LONRF2: variants seen among roughly 807,000 people sequenced by gnomAD.
LONRF2 encodes LON peptidase N-terminal domain and ring finger 2.
In LONRF2, 35 loss-of-function variants were observed where a neutral mutation model predicts 66.6. The observed-to-expected ratio is 0.53, with a 90% CI of 0.40 to 0.70. The LOEUF is 0.70. LONRF2 is among the 30% of genes least tolerant of loss of function. The pLI is 0.00. For synonymous variants in LONRF2, 417 were observed against 418.1 expected (o/e 1.00, Z 0.03); for missense variants, 902 against 1,002.1 (o/e 0.90, Z 1.35).
In LONRF2 at chr2:100,309,173, C is replaced by T; in HGVS notation, c.732G>A (p.Met244Ile). 6 of 1,609,500 alleles carry T rather than the reference C, an allele frequency of 3.7e-6. No individual in the cohort carries two copies. The highest frequency in any genetic ancestry group is 4.2e-6 in the Non-Finnish European group (5 of 1,178,738). Residue 244 changes from methionine to isoleucine, a missense_variant, in exon 2 of 12, where the codon ATG becomes ATA. By Grantham distance (10) the Met-to-Ile change is conservative. Transcript: ENST00000393437. ...LLLRAELYLTMKNYEQALQDA... is the reference protein window; with the variant it reads ...LLLRAELYLTIKNYEQALQDA... Reference sequence around the variant, plus strand: ...CTTGGAGAGCTTGCTCATAGTTCTTCATGGTCAAATATAACTCCGCCCGCA... The same window carrying T: ...CTTGGAGAGCTTGCTCATAGTTCTTTATGGTCAAATATAACTCCGCCCGCA...
rs147790040 is a variant in LONRF2, at chr2:100,298,144, C to G, written c.1476+692G>C. ...TATATGACTTGCTCCATAGAAAGTTCATGGCACTAATAGGACCACAGCCCA... is the reference window on the plus strand; with the variant it reads ...TATATGACTTGCTCCATAGAAAGTTGATGGCACTAATAGGACCACAGCCCA... On this transcript the variant is annotated intron_variant, in intron 7 of 11. Transcript: ENST00000393437. 1.7e-3 allele frequency among the ~76,000 whole-genome samples: 261 copies of G among 152,316 alleles called. 4 individuals are homozygous for G. The highest frequency in any genetic ancestry group is 3.7e-4 in the Non-Finnish European group (25 of 68,036).
rs7607676 is a variant in LONRF2 at position 100,280,504 on chromosome 2, G to C, written c.*3794C>G. On this transcript the variant is annotated 3_prime_UTR_variant, in exon 12 of 12. Transcript: ENST00000393437. ...AAACATGGGGAGATGGGCCGGGCAC[G>C]GTGGCTCACGCCTGTAATCCCAGCA... 6.6e-6 allele frequency: 1 copy of C among 151,184 alleles called. No individual in the cohort carries two copies. Among genetic ancestry groups the C allele is most frequent in the Admixed American group, 6.6e-5 (1 of 15,236 alleles). The allele number at this position is 151,184 out of a possible 1,614,324, so 9.4% of individuals were successfully genotyped here.
intron 4 of LONRF2, 87 bp from the exon 5 acceptor site, chr2:100,300,005 C>CT: frequency 3.9e-6 from 2 of 512,152 alleles, no homozygotes; most frequent in South Asian, 2.4e-5. Context: ...TACTAGAAAT[C>CT]TTTGGAAAAA....
chr2:100,289,770 C>T (rs1674920716), intron 10 of LONRF2, among the ~76,000 whole-genome samples: 1 of 152,056 alleles, frequency 6.6e-6, no homozygotes, highest in African/African-American at 2.4e-5. Flanking sequence ...TCTGTACCAG[C>T]TCCCAACTCA....
intron 6 of LONRF2, 134 bp from the exon 7 acceptor site, chr2:100,299,084 C>T: frequency 1.2e-6 from 1 of 850,972 alleles, no homozygotes; most frequent in East Asian, 2.7e-5. Context: ...CATTTTATAT[C>T]TTATTAAATC....
At chr2:100,296,811 T>C (rs1304645358) in intron 7 of LONRF2, among the ~76,000 whole-genome samples, 1 of 152,216 alleles carries the variant, frequency 6.6e-6, no homozygotes, top group Non-Finnish European at 1.5e-5. Flanking sequence ...AAACATGCTC[T>C]ACTTGGCATG....
Position 100,283,061 on chromosome 2 carries a change from C to T in LONRF2, c.*1237G>A, listed in dbSNP as rs1674772487. On this transcript the variant is annotated 3_prime_UTR_variant, in exon 12 of 12. Transcript: ENST00000393437. The stretch of plus-strand genomic sequence containing the variant: ...ATGTCCACCTTACAGACGAGGAAGC[C>T]AACCAAATGCACCAGCTGGTTGGGC... The T allele has an allele frequency of 1.3e-5, 2 of 152,104 alleles. No individual in the cohort carries two copies. The highest frequency in any genetic ancestry group is 2.9e-5 in the Non-Finnish European group (2 of 68,022). 9.4% of individuals were successfully genotyped at this position (152,104 alleles called of 1,614,324 possible). A position where few individuals can be genotyped will look rare whatever the true frequency, so the allele number is the denominator to read the frequency against.
In LONRF2 at chr2:100,321,883, C is replaced by A. The variant is rs1477226358; in HGVS notation, c.211G>T (p.Ala71Ser). ...CLRLGDALAR[A>S]GRLPEALGAF... ...CCCAGGGCTTCGGGGAGGCGGCCGG[C>A]GCGGGCCAGCGCGTCCCCCAGCCTC... The change falls in exon 1 of 12, where the codon GCC (alanine) becomes TCC (serine). Residue 71 changes from alanine to serine, a missense_variant. By Grantham distance (99) the Ala-to-Ser change is moderately conservative. This residue lies in a region of LONRF2 where 585 missense variants were observed against 569.9 expected (regional missense o/e 1.03). Coordinates refer to ENST00000393437, the MANE Select transcript of LONRF2 (RefSeq NM_198461.4). The A allele has an allele frequency of 7.3e-6, 9 of 1,225,814 alleles. No homozygotes were observed. Among genetic ancestry groups the A allele is most frequent in the African/African-American group, 3.2e-5 (2 of 63,222 alleles). 75.9% of individuals were successfully genotyped at this position (1,225,814 alleles called of 1,614,324 possible).
chr2:100,301,683 G>A (rs1675188121), intron 3 of LONRF2, among the ~76,000 whole-genome samples: 1 of 152,248 alleles, frequency 6.6e-6, no homozygotes, highest in Admixed American at 6.5e-5. Context: ...AAAACACCAT[G>A]TCTGAAAACG....
rs1171411825 is a variant in LONRF2, at chr2:100,280,143, C to T, written c.*4155G>A. ...TGCTCACCTAAAAGCTGAGTCACTG[C>T]TAAAAGGCTATTTTATAGAATTCAG... On this transcript the variant is annotated 3_prime_UTR_variant, in exon 12 of 12. Coordinates refer to ENST00000393437, the MANE Select transcript of LONRF2 (RefSeq NM_198461.4). The T allele has an allele frequency of 6.6e-6, 1 of 152,130 alleles. No individual in the cohort carries two copies. The highest frequency in any genetic ancestry group is 2.4e-5 in the African/African-American group (1 of 41,424). 9.4% of individuals were successfully genotyped at this position (152,130 alleles called of 1,614,324 possible). A position where few individuals can be genotyped will look rare whatever the true frequency, so the allele number is the denominator to read the frequency against.
rs748984983 is a variant in LONRF2 at position 100,290,335 on chromosome 2, T to C, written c.1843A>G (p.Ser615Gly). The stretch of plus-strand genomic sequence containing the variant: ...CGGTGGCTTAGCACTCGGAACCGAC[T>C]GATGCCAATCGCGTCTACAACAGAA... ...GSSVVDAIGI[S>G]RFRVLSHRHR... Residue 615 changes from serine to glycine, a missense_variant, in exon 10 of 12, where the codon AGT becomes GGT. By Grantham distance (56) the Ser-to-Gly change is moderately conservative. Transcript: ENST00000393437. 2.1e-5 allele frequency: 34 copies of C among 1,614,098 alleles called. No homozygotes were observed. The highest frequency in any genetic ancestry group is 2.8e-5 in the Non-Finnish European group (33 of 1,180,040).
At chr2:100,294,749 A>G (rs1473916416) in intron 8 of LONRF2, among the ~76,000 whole-genome samples, 1 of 152,198 alleles carries the variant, frequency 6.6e-6, no homozygotes, top group African/African-American at 2.4e-5. Context: ...GATCGCTACT[A>G]AAATACAAAA....
chr2:100,273,001 A>G lies in LONRF2; in HGVS notation c.*11297T>C, dbSNP rs1674529483. ...CCTTATTTGGAAATACAGTCTTTGC[A>G]GATGTAATCAAGTTAAGATGAGGTC... On this transcript the variant is annotated 3_prime_UTR_variant, in exon 12 of 12. Coordinates refer to ENST00000393437, the MANE Select transcript of LONRF2 (RefSeq NM_198461.4). 6.6e-6 allele frequency among the ~76,000 whole-genome samples: 1 copy of G among 152,238 alleles called. No individual in the cohort carries two copies. Among genetic ancestry groups the G allele is most frequent in the African/African-American group, 2.4e-5 (1 of 41,462 alleles).
chr2:100,321,674 C>G lies in LONRF2; in HGVS notation c.420G>C (p.Leu140=), dbSNP rs944500429. The G allele has an allele frequency of 1.5e-6, 2 of 1,329,604 alleles. No individual in the cohort carries two copies. The highest frequency in any genetic ancestry group is 3.8e-5 in the South Asian group (2 of 52,642). The allele number at this position is 1,329,604 out of a possible 1,614,324, so 82.4% of individuals were successfully genotyped here. ...PAPEPRAPRD[L]LGCPRCRRLL... is the part of the protein sequence containing the mutation. The stretch of plus-strand genomic sequence containing the variant: ...GCCGCCGGCAGCGCGGGCAGCCGAG[C>G]AGGTCGCGGGGCGCGCGGGGCTCCG... The change falls in exon 1 of 12, where the codon CTG becomes CTC. Residue 140 remains leucine (L), a synonymous_variant. Transcript: ENST00000393437.
intron 3 of LONRF2, 34 bp downstream of exon 3, chr2:100,302,886 AC>A: frequency 1.3e-6 from 2 of 1,539,086 alleles, no homozygotes; most frequent in Non-Finnish European, 1.8e-6. Context: ...TATAAATAAG[AC>A]CTGATAGAGA....
rs752135540 is a variant in LONRF2 at position 100,305,390 on chromosome 2, C to G, written c.799-2347G>C. Among the ~76,000 whole-genome samples the G allele has an allele frequency of 3.3e-5, 5 of 152,136 alleles. No individual in the cohort carries two copies. In the South Asian group the frequency reaches 1.0e-3, roughly 32 times the overall value. On this transcript the variant is annotated intron_variant, in intron 2 of 11. Coordinates refer to ENST00000393437, the MANE Select transcript of LONRF2 (RefSeq NM_198461.4). ...CTCCTTCACTATTACCAGAAGTAAA[C>G]CACTACCCCTGTTAATGTCATTTTA...
At chr2:100,298,352 C>A (rs1675113550) in intron 7 of LONRF2, among the ~76,000 whole-genome samples, 1 of 152,138 alleles carries the variant, frequency 6.6e-6, no homozygotes, top group African/African-American at 2.4e-5. Context: ...GGCTAAATAT[C>A]ATTAAATAGC....
In LONRF2 at chr2:100,281,991, A is replaced by G. The variant is rs1052179811; in HGVS notation, c.*2307T>C. 6.6e-6 allele frequency: 1 copy of G among 152,088 alleles called. No individual in the cohort carries two copies. Among genetic ancestry groups the G allele is most frequent in the African/African-American group, 2.4e-5 (1 of 41,402 alleles). The allele number at this position is 152,088 out of a possible 1,614,324, so 9.4% of individuals were successfully genotyped here. ...GCGTGATGTTTCTAAGTGCTCAGTA[A>G]GTACCAATCTACTCCCACACTGCAG... On this transcript the variant is annotated 3_prime_UTR_variant, in exon 12 of 12. Coordinates refer to ENST00000393437, the MANE Select transcript of LONRF2 (RefSeq NM_198461.4).
intron 1 of LONRF2, among the ~76,000 whole-genome samples, chr2:100,319,318 T>G (rs2104220895): frequency 6.6e-6 from 1 of 152,288 alleles, no homozygotes; most frequent in Non-Finnish European, 1.5e-5. Context: ...TCATATGAAT[T>G]TACTGAAATA....
Sources: gnomAD v4.1 joint callset for allele counts (sites outside exome capture counted in the v4.1 genomes callset) on GRCh38, gnomAD v4.1.1 for gene constraint, gnomAD v4.1.1 regional missense constraint, MANE v1.5 for transcripts, NCBI Gene and HGNC (gene_info 2026-07-23, HGNC 2026-07-21) for gene names.